Variants in SNX29 observed in about 807,000 individuals in gnomAD.
SNX29 encodes sorting nexin-29.
SNX29 carries 78 observed loss-of-function variants against 102.1 expected under a neutral mutation model. The ratio of observed to expected loss-of-function variants is 0.76; its 90% CI spans 0.64 to 0.92. The LOEUF is 0.92. Among genes scored for constraint, SNX29 ranks in the 40% least tolerant of loss-of-function variants. The probability of loss-of-function intolerance (pLI) is 0.00; values close to 1 mark genes in which losing one functional copy is unlikely to be tolerated. For missense variants in SNX29, 1,280 were observed against 1,061.7 expected (o/e 1.21, Z -2.86); for synonymous variants, 580 against 414.5 (o/e 1.40, Z -4.85).
intron 11 of SNX29, among the ~76,000 whole-genome samples, chr16:12,102,993 C>G (rs759657286): frequency 2.0e-5 from 3 of 152,134 alleles, no homozygotes; most frequent in Non-Finnish European, 2.9e-5. Flanking sequence ...ATAAAACTTA[C>G]AAGGGATGTG....
chr16:12,439,113 T>C (rs1003177029), intron 18 of SNX29, among the ~76,000 whole-genome samples: 3 of 152,228 alleles, frequency 2.0e-5, no homozygotes, highest in Non-Finnish European at 4.4e-5. Flanking sequence ...GAAGCCAGTC[T>C]TTCCCAGAGG....
At chr16:12,513,739 A>G (rs2089738856) in intron 19 of SNX29, among the ~76,000 whole-genome samples, 1 of 152,222 alleles carries the variant, frequency 6.6e-6, no homozygotes, top group African/African-American at 2.4e-5. Context: ...TATTTTCCCC[A>G]AATTAATCAG....
intron 20 of SNX29, among the ~76,000 whole-genome samples, chr16:12,550,789 AAGG>A (rs2077926540): frequency 1.1e-5 from 1 of 93,440 alleles, no homozygotes; most frequent in Admixed American, 9.8e-5. Context: ...TAGCTGAGAT[AAGG>A]AAGAGGGAGC....
intron 15 of SNX29, among the ~76,000 whole-genome samples, chr16:12,305,880 G>A (rs964047922): frequency 1.3e-5 from 2 of 152,042 alleles, no homozygotes; most frequent in Non-Finnish European, 2.9e-5. Flanking sequence ...TAACCTGTTC[G>A]GATTTAAAAG....
At chr16:12,524,875 C>A (rs753274311) in intron 20 of SNX29, 34 bp downstream of exon 20, 3 of 1,598,022 alleles carry the variant, frequency 1.9e-6, no homozygotes, top group African/African-American at 2.7e-5. Context: ...GGGCCGCCAG[C>A]CCTGCCAGCA....
Position 12,288,031 on chromosome 16 carries a change from A to AT in SNX29, c.1782+10002dup, listed in dbSNP as rs564871179. On this transcript the variant is annotated intron_variant, in intron 15 of 20. Coordinates refer to ENST00000566228, the MANE Select transcript of SNX29 (RefSeq NM_032167.5). ...TGAGACCCTGTAATTACAAAAAAAA[A>AT]TTTTTTTAACTAGCTGGGTACATCA... Among the ~76,000 whole-genome samples the AT allele has an allele frequency of 3.3e-5, 5 of 152,260 alleles. No homozygotes were observed. The South Asian group carries it at 1.0e-3, about 32-fold the overall frequency.
intron 20 of SNX29, among the ~76,000 whole-genome samples, chr16:12,551,690 C>T (rs187685910): frequency 3.4e-4 from 52 of 152,316 alleles, no homozygotes; most frequent in African/African-American, 1.2e-3. Flanking sequence ...AAAGTACCAC[C>T]CTCCTTTCAG....
intron 15 of SNX29, among the ~76,000 whole-genome samples, chr16:12,348,812 G>C (rs955250836): frequency 1.3e-5 from 2 of 152,172 alleles, no homozygotes; most frequent in Non-Finnish European, 2.9e-5. Context: ...AGTTTTCTTA[G>C]CTACAAAATT....
chr16:12,298,234 A>G (rs974388776), intron 15 of SNX29, among the ~76,000 whole-genome samples: 2 of 152,328 alleles, frequency 1.3e-5, no homozygotes. Flanking sequence ...GATCAATTCA[A>G]TGCTCAGTGA....
At chr16:12,558,497 G>T (rs890177654) in intron 20 of SNX29, among the ~76,000 whole-genome samples, 1 of 152,194 alleles carries the variant, frequency 6.6e-6, no homozygotes, top group Non-Finnish European at 1.5e-5. Flanking sequence ...TGCATCTTTA[G>T]TTTTTAATGA....
chr16:12,165,248 G>T (rs1009734041), intron 13 of SNX29, among the ~76,000 whole-genome samples: 1 of 152,228 alleles, frequency 6.6e-6, no homozygotes, highest in Non-Finnish European at 1.5e-5. Context: ...TAATTGTCCT[G>T]AAGAAGAGAG....
chr16:12,413,552 A>C (rs1322507098), intron 18 of SNX29, among the ~76,000 whole-genome samples: 1 of 148,326 alleles, frequency 6.7e-6, no homozygotes, highest in Non-Finnish European at 1.5e-5. Flanking sequence ...GTGAACACAG[A>C]GGAGTGGCTC....
chr16:12,363,153 G>A (rs1264843746), intron 16 of SNX29, among the ~76,000 whole-genome samples: 1 of 152,372 alleles, frequency 6.6e-6, no homozygotes, highest in Non-Finnish European at 1.5e-5. Context: ...GCTGTCAGAA[G>A]AGCTTGCCAT....
chr16:12,417,283 TG>T (rs1385433457), intron 18 of SNX29, among the ~76,000 whole-genome samples: 1 of 152,252 alleles, frequency 6.6e-6, no homozygotes, highest in East Asian at 1.9e-4. Flanking sequence ...CTGGGCTTCC[TG>T]TGTTCAGCAT....
intron 18 of SNX29, among the ~76,000 whole-genome samples, chr16:12,476,352 A>C (rs1408552476): frequency 2.3e-4 from 1 of 4,438 alleles, no homozygotes; most frequent in Non-Finnish European, 5.2e-4. Context: ...GACATTTCTC[A>C]AAAAAAAAAA....
chr16:12,117,026 G>A (rs1431057731), intron 11 of SNX29, among the ~76,000 whole-genome samples: 12 of 149,644 alleles, frequency 8.0e-5, no homozygotes, highest in African/African-American at 2.5e-4. Flanking sequence ...CAGTGCGGAC[G>A]AACCATGGAA....
intron 18 of SNX29, among the ~76,000 whole-genome samples, chr16:12,452,482 C>A (rs146816476): frequency 3.3e-5 from 5 of 152,140 alleles, no homozygotes; most frequent in Non-Finnish European, 4.4e-5. Flanking sequence ...CTGAGTACAC[C>A]GCTCCGTAGA....
At chr16:12,545,387 T>A (rs978017362) in intron 20 of SNX29, 3 of 152,186 alleles carry the variant, frequency 2.0e-5, no homozygotes, top group Non-Finnish European at 4.4e-5. Flanking sequence ...ACAATAGGTG[T>A]ATTGTCCGCT....
intron 18 of SNX29, among the ~76,000 whole-genome samples, chr16:12,416,187 C>G (rs182676508): frequency 5.5e-4 from 83 of 152,204 alleles, no homozygotes; most frequent in African/African-American, 1.3e-3. Flanking sequence ...GCTCATGGGC[C>G]CTCCTCCTTA....
Sources: allele counts gnomAD v4.1 joint callset (sites outside exome capture counted in the v4.1 genomes callset), GRCh38; gene constraint gnomAD v4.1.1; transcripts MANE v1.5; gene names NCBI Gene and HGNC (gene_info 2026-07-23, HGNC 2026-07-21).